The following SUSD4 variants were observed in gnomAD, a reference collection of about 807,000 sequenced individuals.
The protein encoded by SUSD4 is sushi domain containing 4.
A neutral mutation model predicts 50.5 loss-of-function variants in SUSD4; 41 were observed. The observed-to-expected ratio is 0.81, with a 90% CI of 0.63 to 1.05. The LOEUF is 1.05. SUSD4 is among the 50% of genes least tolerant of loss of function. SUSD4 has a pLI of 0.00. For synonymous variants in SUSD4, 257 were observed against 257.3 expected (o/e 1.00, Z 0.01); for missense variants, 580 against 634.7 (o/e 0.91, Z 0.93).
chr1:223,352,798 G>A (rs1461454457), intron 2 of SUSD4, among the ~76,000 whole-genome samples: 2 of 152,118 alleles, frequency 1.3e-5, no homozygotes, highest in Non-Finnish European at 2.9e-5. Flanking sequence ...GGATTCAAAT[G>A]CAACTCCCAG....
chr1:223,255,218 A>G (rs1661605416), intron 5 of SUSD4, among the ~76,000 whole-genome samples: 1 of 152,220 alleles, frequency 6.6e-6, no homozygotes, highest in African/African-American at 2.4e-5. Context: ...GGCCCAGGGA[A>G]CACACATTCA....
At chr1:223,278,478 G>A (rs191019686) in intron 3 of SUSD4, among the ~76,000 whole-genome samples, 100 of 152,336 alleles carry the variant, frequency 6.6e-4, no homozygotes, top group African/African-American at 2.0e-3. Flanking sequence ...TAGCACAGCA[G>A]TCTGAGATCG....
At chr1:223,279,586 T>C (rs529204193) in intron 3 of SUSD4, among the ~76,000 whole-genome samples, 9 of 152,300 alleles carry the variant, frequency 5.9e-5, no homozygotes, top group Middle Eastern at 3.4e-3. Flanking sequence ...TAGGGGACTA[T>C]GTGCAAAGAC....
At chr1:223,341,697 G>A (rs1053650114) in intron 2 of SUSD4, among the ~76,000 whole-genome samples, 21 of 152,154 alleles carry the variant, frequency 1.4e-4, no homozygotes, top group African/African-American at 4.3e-4. Context: ...AACTGCACAC[G>A]CAGCTACAAC....
At chr1:223,279,469 T>A (rs1663531823) in intron 3 of SUSD4, among the ~76,000 whole-genome samples, 1 of 152,156 alleles carries the variant, frequency 6.6e-6, no homozygotes, top group African/African-American at 2.4e-5. Flanking sequence ...AGAAAGGGTA[T>A]CAGTGACTGA....
chr1:223,330,840 A>G (rs1667133201), intron 2 of SUSD4, among the ~76,000 whole-genome samples: 1 of 152,244 alleles, frequency 6.6e-6, no homozygotes, highest in Admixed American at 6.5e-5. Flanking sequence ...ATGGTGGGAC[A>G]GCCCCATGTA....
At chr1:223,304,658 G>A (rs553944272) in intron 2 of SUSD4, among the ~76,000 whole-genome samples, 11 of 150,798 alleles carry the variant, frequency 7.3e-5, no homozygotes, top group African/African-American at 2.4e-4. Context: ...AAAAACATAC[G>A]TACTTTCAAT....
At chr1:223,353,683 G>C (rs902567114) in intron 2 of SUSD4, among the ~76,000 whole-genome samples, 5 of 152,176 alleles carry the variant, frequency 3.3e-5, no homozygotes, top group African/African-American at 4.8e-5. Context: ...TGTGCAGGGA[G>C]AATCTGTATC....
rs377438057 is a variant in SUSD4 at position 223,227,609 on chromosome 1, G to T, written c.1046C>A (p.Ala349Asp). Residue 349 changes from alanine (A) to aspartate (D), a missense_variant, in exon 7 of 9, where the codon GCC becomes GAC. Transcript: ENST00000366878. The surrounding 1 kb of genome is among the most constrained non-coding windows in gnomAD (Gnocchi z 4.5). The part of the protein sequence containing the change: ...LARMFQTKFK[A>D]HFPPRGPPRS... ...TGACACTGACCTGGGGGGAAAGTGG[G>T]CCTTGAACTTGGTCTGGAACATCCT... is the stretch of plus-strand genomic sequence containing the variant. 1 of 1,613,752 alleles carries T rather than the reference G, an allele frequency of 6.2e-7. No homozygotes were observed. The highest frequency in any genetic ancestry group is 8.5e-7 in the Non-Finnish European group (1 of 1,179,944).
At chr1:223,254,616 C>G (rs549795099) in intron 5 of SUSD4, among the ~76,000 whole-genome samples, 1 of 152,084 alleles carries the variant, frequency 6.6e-6, no homozygotes, top group South Asian at 2.1e-4. Flanking sequence ...AAACTTGGAT[C>G]TACTTGAAAA....
intron 2 of SUSD4, among the ~76,000 whole-genome samples, chr1:223,362,940 A>AC (rs1411258473): frequency 6.6e-3 from 440 of 66,224 alleles, no homozygotes; most frequent in Admixed American, 8.8e-3. Context: ...CCCACCCCCC[A>AC]CCCCTCCCCC....
intron 2 of SUSD4, among the ~76,000 whole-genome samples, chr1:223,329,498 C>A (rs1429331577): frequency 6.6e-6 from 1 of 152,202 alleles, no homozygotes; most frequent in Admixed American, 6.5e-5. Context: ...TCCACCTACA[C>A]ATTCCTTTTT....
intron 2 of SUSD4, among the ~76,000 whole-genome samples, chr1:223,326,196 AAAT>A (rs1666868031): frequency 6.6e-6 from 1 of 152,218 alleles, no homozygotes; most frequent in Non-Finnish European, 1.5e-5. Context: ...AAATAAAGCC[AAAT>A]ACGTACAGCC....
chr1:223,228,023 T>C (rs949545136), intron 6 of SUSD4, among the ~76,000 whole-genome samples: 2 of 152,190 alleles, frequency 1.3e-5, no homozygotes, highest in Non-Finnish European at 2.9e-5. Context: ...GCTTAAATAA[T>C]GCATCTGCCT....
rs1659624804 is a variant in SUSD4, at chr1:223,227,879, T to C, written c.917-141A>G. ...TCTGACCCCCAGGGCTCGGCAGAGA[T>C]ACCATGTGCCCCTGTAGCTCATGTA... is the stretch of plus-strand genomic sequence containing the variant. On this transcript the variant is annotated intron_variant, in intron 6 of 8. Transcript: ENST00000366878. The surrounding 1 kb of genome is among the most constrained non-coding windows in gnomAD (Gnocchi z 4.5). 1 of 1,069,586 alleles carries C rather than the reference T, an allele frequency of 9.3e-7. No individual in the cohort carries two copies. 66.3% of individuals were successfully genotyped at this position (1,069,586 alleles called of 1,614,324 possible). A position where few individuals can be genotyped will look rare whatever the true frequency, so the allele number is the denominator to read the frequency against.
intron 3 of SUSD4, among the ~76,000 whole-genome samples, chr1:223,290,613 C>A (rs1664427630): frequency 6.6e-6 from 1 of 152,108 alleles, no homozygotes; most frequent in South Asian, 2.1e-4. Context: ...TGCTGCCATG[C>A]CTATGTACAA....
At chr1:223,346,348 G>T (rs1476245862) in intron 2 of SUSD4, among the ~76,000 whole-genome samples, 1 of 152,160 alleles carries the variant, frequency 6.6e-6, no homozygotes, top group African/African-American at 2.4e-5. Flanking sequence ...CAAAGATTAG[G>T]AAATTCATTT....
intron 5 of SUSD4, among the ~76,000 whole-genome samples, chr1:223,232,196 A>G (rs1007232257): frequency 2.0e-5 from 3 of 152,182 alleles, no homozygotes; most frequent in Non-Finnish European, 4.4e-5. Context: ...ATGTAGGTCA[A>G]AGGGTAAAAG....
At chr1:223,248,791 G>A (rs1044630124) in intron 5 of SUSD4, among the ~76,000 whole-genome samples, 2 of 152,040 alleles carry the variant, frequency 1.3e-5, no homozygotes, top group African/African-American at 4.8e-5. Flanking sequence ...GAGTCACTAC[G>A]TTAGGATGTC....
Sources: allele counts gnomAD v4.1 joint callset (sites outside exome capture counted in the v4.1 genomes callset), GRCh38; gene constraint gnomAD v4.1.1; non-coding constraint Gnocchi (gnomAD v3.1); transcripts MANE v1.5; gene names NCBI Gene and HGNC (gene_info 2026-07-23, HGNC 2026-07-21).